The following KCNK10 variants were observed in gnomAD, a reference collection of about 807,000 sequenced individuals.
The protein encoded by KCNK10 is potassium two pore domain channel subfamily K member 10.
KCNK10 carries 25 observed loss-of-function variants against 47.7 expected under a neutral mutation model. That is an observed-to-expected ratio of 0.52 (90% CI 0.38 to 0.73). The LOEUF (loss-of-function observed/expected upper bound fraction) is 0.73. Ranked by LOEUF, KCNK10 falls within the 30% of genes least tolerant of loss-of-function variation. KCNK10 has a pLI of 0.00. For synonymous variants in KCNK10, 303 were observed against 285.6 expected (o/e 1.06, Z -0.61); for missense variants, 563 against 714.5 (o/e 0.79, Z 2.42).
chr14:88,251,355 T>C (rs1400060130), intron 2 of KCNK10, among the ~76,000 whole-genome samples: 1 of 150,742 alleles, frequency 6.6e-6, no homozygotes, highest in African/African-American at 2.4e-5. Flanking sequence ...ATAAAAGACA[T>C]AGATTCAACT....
chr14:88,323,913 C>G (rs1888608834), upstream of KCNK10, among the ~76,000 whole-genome samples: 1 of 152,190 alleles, frequency 6.6e-6, no homozygotes, highest in African/African-American at 2.4e-5. Context: ...CCGCCGCACT[C>G]CAAGGAGGCC....
At chr14:88,238,982 C>A (rs537269943) in intron 3 of KCNK10, among the ~76,000 whole-genome samples, 2 of 152,102 alleles carry the variant, frequency 1.3e-5, no homozygotes, top group Non-Finnish European at 2.9e-5. Flanking sequence ...GGTTCACCAT[C>A]TTCAAAGGGC....
At position 88,276,366 on chromosome 14, in the gene KCNK10, T is replaced by C. The variant is rs186544525; in HGVS notation, c.53-12815A>G. On this transcript the variant is annotated intron_variant, in intron 1 of 6. Transcript: ENST00000319231. ...TCCTTGCCAGACACTGAATCTGCCTTGATATCTTGATCTTCCCAGCCTCCA... is the reference window on the plus strand; with the variant it reads ...TCCTTGCCAGACACTGAATCTGCCTCGATATCTTGATCTTCCCAGCCTCCA... Among the ~76,000 whole-genome samples the C allele has an allele frequency of 1.2e-3, 179 of 152,050 alleles. 1 individual carries two copies. The highest frequency in any genetic ancestry group is 1.5e-3 in the Non-Finnish European group (103 of 68,008).
At chr14:88,290,371 T>C (rs2139780212) in intron 1 of KCNK10, among the ~76,000 whole-genome samples, 1 of 152,310 alleles carries the variant, frequency 6.6e-6, no homozygotes, top group African/African-American at 2.4e-5. Context: ...TTTAGCCCCA[T>C]ATGACCCACT....
Position 88,185,941 on chromosome 14 carries a change from T to C in KCNK10, c.1226A>G (p.Asp409Gly), listed in dbSNP as rs766700337. 1 of 1,613,658 alleles carries C rather than the reference T, an allele frequency of 6.2e-7. No homozygotes were observed. Among genetic ancestry groups the C allele is most frequent in the South Asian group, 1.1e-5 (1 of 91,036 alleles). Reference protein sequence around the residue: ...PEKRSVFAALDTGRFKASSQE... With the variant: ...PEKRSVFAALGTGRFKASSQE... The stretch of plus-strand genomic sequence containing the variant: ...GGATGAGGCCTTGAAGCGGCCGGTG[T>C]CCAGGGCAGCAAAGACAGAGCGCTT... The change falls in exon 7 of 7, where the codon GAC (aspartate) becomes GGC (glycine). Residue 409 changes from aspartate to glycine, a missense_variant. Transcript: ENST00000319231. The surrounding 1 kb of genome is among the most constrained non-coding windows in gnomAD (Gnocchi z 4.3).
intron 5 of KCNK10, among the ~76,000 whole-genome samples, chr14:88,191,509 G>A (rs924956268): frequency 1.3e-5 from 2 of 152,074 alleles, no homozygotes; most frequent in African/African-American, 4.8e-5. Context: ...CCTTCTATCC[G>A]TACCTTTCTA....
intron 1 of KCNK10, among the ~76,000 whole-genome samples, chr14:88,308,773 T>A (rs1283175939): frequency 6.6e-6 from 1 of 152,246 alleles, no homozygotes; most frequent in Non-Finnish European, 1.5e-5. Flanking sequence ...AATATCTAAT[T>A]ACAAACTAGG....
chr14:88,236,629 C>T lies in KCNK10; in HGVS notation c.520+4074G>A, dbSNP rs986516361. ...CATACCCTGAGGTTATACAGGCATA[C>T]GTCAGAGACATTGTGAGTTAGACTT... On this transcript the variant is annotated intron_variant, in intron 3 of 6. Transcript: ENST00000319231. 6.6e-5 allele frequency among the ~76,000 whole-genome samples: 10 copies of T among 152,304 alleles called. No homozygotes were observed. In the South Asian group the frequency reaches 1.7e-3, roughly 25 times the overall value.
Position 88,322,873 on chromosome 14 carries a change from G to A in KCNK10, c.-75C>T. The A allele has an allele frequency of 4.4e-6, 7 of 1,608,688 alleles. No homozygotes were observed. The highest frequency in any genetic ancestry group is 5.9e-6 in the Non-Finnish European group (7 of 1,177,328). On this transcript the variant is annotated 5_prime_UTR_variant, in exon 1 of 7. Transcript: ENST00000319231. The surrounding 1 kb of genome is among the most constrained non-coding windows in gnomAD (Gnocchi z 4.8). ...AAAGTCCTCAAGCTTTACACGCCTC[G>A]GTTTAGCAGTCCAACAAAACAATTT...
At chr14:88,269,050 A>G (rs993396056) in intron 1 of KCNK10, among the ~76,000 whole-genome samples, 3 of 152,204 alleles carry the variant, frequency 2.0e-5, no homozygotes, top group African/African-American at 7.2e-5. Context: ...AGGCAGAAGA[A>G]TCACTTGAAC....
At chr14:88,271,208 T>C (rs1342760615) in intron 1 of KCNK10, among the ~76,000 whole-genome samples, 1 of 152,212 alleles carries the variant, frequency 6.6e-6, no homozygotes, top group East Asian at 1.9e-4. Flanking sequence ...ATATGAAGTT[T>C]AGCAGAGAAC....
chr14:88,235,403 C>G (rs942860023), intron 3 of KCNK10: 5 of 344,126 alleles, frequency 1.5e-5, no homozygotes, highest in African/African-American at 8.6e-5. Flanking sequence ...AAAAATGTTT[C>G]CAAAATCAGA....
chr14:88,247,731 G>A (rs1886684807), intron 2 of KCNK10, among the ~76,000 whole-genome samples: 1 of 152,200 alleles, frequency 6.6e-6, no homozygotes, highest in Non-Finnish European at 1.5e-5. Flanking sequence ...GCTACTACAA[G>A]TTAATCCCTT....
chr14:88,224,241 G>A (rs1389520902), intron 4 of KCNK10, among the ~76,000 whole-genome samples: 1 of 152,156 alleles, frequency 6.6e-6, no homozygotes, highest in Non-Finnish European at 1.5e-5. Flanking sequence ...CACAGCAATA[G>A]AAAAACTAAT....
intron 1 of KCNK10, among the ~76,000 whole-genome samples, chr14:88,271,484 C>T (rs960687257): frequency 3.9e-5 from 6 of 152,168 alleles, no homozygotes; most frequent in Admixed American, 6.5e-5. Flanking sequence ...TTTGTACAAG[C>T]GCTAGAGTGG....
chr14:88,254,264 C>G (rs753689787), intron 2 of KCNK10, among the ~76,000 whole-genome samples: 4 of 152,142 alleles, frequency 2.6e-5, no homozygotes, highest in Non-Finnish European at 5.9e-5. Flanking sequence ...CCAACCTGCC[C>G]CCAGAAACAT....
In KCNK10 at chr14:88,318,778, C is replaced by T. The variant is rs547482043; in HGVS notation, c.52+3969G>A. ...GACTCCTTTCTCCATGGAAGGGAAG[C>T]GAAACCCAGAAAAGCTAAATGAGCA... On this transcript the variant is annotated intron_variant, in intron 1 of 6. Coordinates refer to ENST00000319231, the MANE Select transcript of KCNK10 (RefSeq NM_138317.3). 2.6e-5 allele frequency among the ~76,000 whole-genome samples: 4 copies of T among 152,236 alleles called. No individual in the cohort carries two copies. In the South Asian group the frequency reaches 6.2e-4, roughly 24 times the overall value.
chr14:88,186,202 T>C lies in KCNK10; in HGVS notation c.1012-47A>G, dbSNP rs78100695. ...AACAATATGCTGACAAATGCCTCCC[T>C]GCCTTGGCCTCCCAGCACCCACAGC... is the stretch of plus-strand genomic sequence containing the variant. On this transcript the variant is annotated intron_variant, in intron 6 of 6. Coordinates refer to ENST00000319231, the MANE Select transcript of KCNK10 (RefSeq NM_138317.3). The surrounding 1 kb of genome is among the most constrained non-coding windows in gnomAD (Gnocchi z 5.5). 0.016 allele frequency: 23,757 copies of C among 1,522,026 alleles called. 233 individuals are homozygous for C. The highest frequency in any genetic ancestry group is 0.017 in the Non-Finnish European group (19,409 of 1,133,692). The allele number at this position is 1,522,026 out of a possible 1,614,324, so 94.3% of individuals were successfully genotyped here.
At chr14:88,223,181 C>T (rs546930883) in intron 4 of KCNK10, among the ~76,000 whole-genome samples, 8 of 152,154 alleles carry the variant, frequency 5.3e-5, no homozygotes, top group Non-Finnish European at 8.8e-5. Flanking sequence ...AGCATTTCTG[C>T]GAAGACATCT....
Sources: allele counts gnomAD v4.1 joint callset (sites outside exome capture counted in the v4.1 genomes callset), GRCh38; gene constraint gnomAD v4.1.1; non-coding constraint Gnocchi (gnomAD v3.1); transcripts MANE v1.5; gene names NCBI Gene and HGNC (gene_info 2026-07-23, HGNC 2026-07-21).